The following CALN1 variants were observed in gnomAD, a reference collection of about 807,000 sequenced individuals.
CALN1 encodes the protein calcium-binding protein 8.
Under a neutral mutation model 30.6 loss-of-function variants are expected in CALN1, and 17 were observed. The ratio of observed to expected loss-of-function variants is 0.56; its 90% CI spans 0.38 to 0.83. CALN1 has a LOEUF of 0.83. CALN1 is among the 40% of genes least tolerant of loss of function. CALN1 has a pLI of 0.00. For missense variants in CALN1, 291 were observed against 354.9 expected, an observed-to-expected ratio of 0.82 and a Z score of 1.45; for synonymous variants, 156 against 131.4, an observed-to-expected ratio of 1.19 and a Z score of -1.28.
intron 3 of CALN1, among the ~76,000 whole-genome samples, chr7:72,253,411 G>A (rs986781582): frequency 3.4e-4 from 52 of 152,172 alleles, no homozygotes; most frequent in African/African-American, 1.0e-3. Context: ...CTGCTATAAA[G>A]ACATACCTGA....
At chr7:71,869,634 A>G (rs1398399800) in intron 5 of CALN1, among the ~76,000 whole-genome samples, 5 of 152,154 alleles carry the variant, frequency 3.3e-5, no homozygotes, top group African/African-American at 4.8e-5. Context: ...TTAAATGTGA[A>G]TTTGAAGTCT....
At chr7:72,313,965 G>A (rs1800239270) in intron 2 of CALN1, among the ~76,000 whole-genome samples, 1 of 152,184 alleles carries the variant, frequency 6.6e-6, no homozygotes, top group Non-Finnish European at 1.5e-5. Flanking sequence ...CACCACAAAT[G>A]AGCCAGACAA....
chr7:72,447,537 G>A (rs1033489940), upstream of CALN1, among the ~76,000 whole-genome samples: 1 of 152,126 alleles, frequency 6.6e-6, no homozygotes, highest in African/African-American at 2.4e-5. Flanking sequence ...CTTCAGACAC[G>A]GGGCTGCACG....
chr7:72,274,698 G>A (rs998972560), intron 3 of CALN1, among the ~76,000 whole-genome samples: 21 of 152,056 alleles, frequency 1.4e-4, no homozygotes, highest in African/African-American at 5.1e-4. Flanking sequence ...AAGAGGCAAT[G>A]AATATTATGC....
At chr7:72,188,997 G>C (rs1270136825) in intron 3 of CALN1, among the ~76,000 whole-genome samples, 2 of 152,166 alleles carry the variant, frequency 1.3e-5, no homozygotes, top group African/African-American at 2.4e-5. Context: ...CCTGCCTTCA[G>C]AACGGTGGCT....
At chr7:72,487,967 G>GAAGGA in the CALN1 span, among the ~76,000 whole-genome samples, 11,973 of 116,876 alleles carry the variant, frequency 0.1, 862 homozygotes, top group Non-Finnish European at 0.13. Context: ...AGGAAGGAAG[G>GAAGGA]AAGGAAGGAA....
chr7:72,274,167 G>C (rs1260797180), intron 3 of CALN1, among the ~76,000 whole-genome samples: 2 of 152,062 alleles, frequency 1.3e-5, no homozygotes, highest in African/African-American at 4.8e-5. Context: ...ATATATTAAA[G>C]AAAAGAGGTA....
At chr7:72,279,691 C>G (rs939561878) in intron 2 of CALN1, among the ~76,000 whole-genome samples, 6 of 152,126 alleles carry the variant, frequency 3.9e-5, no homozygotes, top group African/African-American at 1.2e-4. Flanking sequence ...GAATGAGCAA[C>G]GACAAGAAAG....
intron 5 of CALN1, among the ~76,000 whole-genome samples, chr7:72,001,357 A>C (rs1799520108): frequency 6.6e-6 from 1 of 152,202 alleles, no homozygotes; most frequent in Non-Finnish European, 1.5e-5. Flanking sequence ...TAAGTGGCAA[A>C]GTGGCAGAGT....
In CALN1 at chr7:72,006,568, A is replaced by C. The variant is rs554486238; in HGVS notation, c.501+17089T>G. Among the ~76,000 whole-genome samples, 5 of 147,236 alleles carry C rather than the reference A, an allele frequency of 3.4e-5. 1 individual carries two copies. Among genetic ancestry groups the C allele is most frequent in the East Asian group, 2.2e-4 (1 of 4,518 alleles). ...TTTTTATAGAGAGGGACATCTAAAA[A>C]AGTAGATTTTTTTTAAAGAAAAAGG... On this transcript the variant is annotated intron_variant, in intron 5 of 6. Coordinates refer to ENST00000395275, the MANE Select transcript of CALN1 (RefSeq NM_031468.4).
At chr7:72,284,821 G>GGATAGATA (rs368097360) in intron 2 of CALN1, among the ~76,000 whole-genome samples, 7 of 152,000 alleles carry the variant, frequency 4.6e-5, no homozygotes, top group African/African-American at 1.5e-4. Flanking sequence ...GATAGATTAA[G>GGATAGATA]GATAGATAGA....
chr7:72,050,629 G>A (rs924765387), intron 4 of CALN1, among the ~76,000 whole-genome samples: 1 of 152,134 alleles, frequency 6.6e-6, no homozygotes, highest in Admixed American at 6.5e-5. Flanking sequence ...GAAAATGACA[G>A]TGAGAAAATT....
At chr7:72,411,036 ATTTAGTAAAG>A in intron 1 of CALN1, among the ~76,000 whole-genome samples, 1 of 152,250 alleles carries the variant, frequency 6.6e-6, no homozygotes. Flanking sequence ...TAATAGGTGA[ATTTAGTAAAG>A]CATTAGAATA....
At chr7:71,821,171 A>C (rs1788564448) in intron 5 of CALN1, among the ~76,000 whole-genome samples, 1 of 152,186 alleles carries the variant, frequency 6.6e-6, no homozygotes, top group Non-Finnish European at 1.5e-5. Context: ...AGTCATCAGA[A>C]AGGATGACAC....
chr7:72,152,279 T>G (rs564174485), intron 3 of CALN1, among the ~76,000 whole-genome samples: 56 of 152,158 alleles, frequency 3.7e-4, no homozygotes, highest in Non-Finnish European at 6.2e-4. Context: ...GAGACCAGGG[T>G]TCTCTGTGAA....
intron 2 of CALN1, among the ~76,000 whole-genome samples, chr7:72,311,912 G>T (rs560224461): frequency 6.6e-6 from 1 of 152,154 alleles, no homozygotes; most frequent in South Asian, 2.1e-4. Context: ...AAAGATCCAA[G>T]AAATGAGCAT....
chr7:71,982,313 G>A (rs945355657), intron 5 of CALN1, among the ~76,000 whole-genome samples: 35 of 152,136 alleles, frequency 2.3e-4, no homozygotes, highest in Admixed American at 2.0e-3. Context: ...TGCAAGGGTC[G>A]GCCGGGCACA....
At chr7:72,417,128 A>T (rs1807449081), upstream of CALN1, among the ~76,000 whole-genome samples, 1 of 152,210 alleles carries the variant, frequency 6.6e-6, no homozygotes, top group African/African-American at 2.4e-5. Context: ...CCCAGCCGTG[A>T]TCTGGAGGCC....
chr7:72,428,418 G>A lies in CALN1; in HGVS notation c.-225-16143C>T, dbSNP rs1431458306. Among the ~76,000 whole-genome samples, 3 of 149,270 alleles carry A rather than the reference G, an allele frequency of 2.0e-5. No individual in the cohort carries two copies. The Admixed American group carries it at 2.0e-4, about 10-fold the overall frequency. On this transcript the variant is annotated intron_variant, in intron 1 of 6. Coordinates refer to the CALN1 transcript ENST00000395276. The stretch of plus-strand genomic sequence containing the variant: ...TATTATTTTTTTTTTTTGAGACACA[G>A]TCTTGCTCTGTGGTCCAGGCTGGAG...
Sources: gnomAD v4.1 joint callset for allele counts (sites outside exome capture counted in the v4.1 genomes callset) on GRCh38, gnomAD v4.1.1 for gene constraint, MANE v1.5 for transcripts, NCBI Gene and HGNC (gene_info 2026-07-23, HGNC 2026-07-21) for gene names.